Variants in IGDCC4 observed in about 807,000 individuals in gnomAD.
The protein encoded by IGDCC4 is likely ortholog of mouse neighbor of Punc E11.
A neutral mutation model predicts 116.6 loss-of-function variants in IGDCC4; 72 were observed. That is an observed-to-expected ratio of 0.62 (90% confidence interval 0.51 to 0.75). IGDCC4 has a LOEUF of 0.75. Ranked by LOEUF, IGDCC4 falls within the 30% of genes least tolerant of loss-of-function variation. The pLI is 0.00. For missense variants in IGDCC4, 1,501 were observed against 1,662.4 expected (o/e 0.90, Z 1.69); for synonymous variants, 709 against 719.9 (o/e 0.98, Z 0.24).
At chr15:65,391,713 C>G (rs2091516301) in intron 12 of IGDCC4, among the ~76,000 whole-genome samples, 167 bp downstream of exon 12, 1 of 152,192 alleles carries the variant, frequency 6.6e-6, no homozygotes, top group Admixed American at 6.5e-5. Flanking sequence ...ATGACAGAGG[C>G]TCTCTGGAGC....
In IGDCC4 at chr15:65,385,166, G is replaced by C. The variant is rs971119780; in HGVS notation, c.3181-51C>G. 4.6e-6 allele frequency: 7 copies of C among 1,507,826 alleles called. No individual in the cohort carries two copies. In the Admixed American group the frequency reaches 7.4e-5, roughly 16 times the overall value. The allele number at this position is 1,507,826 out of a possible 1,614,324, so 93.4% of individuals were successfully genotyped here. A position where few individuals can be genotyped will look rare whatever the true frequency, so the allele number is the denominator to read the frequency against. On this transcript the variant is annotated intron_variant, in intron 18 of 19. Transcript: ENST00000352385. ...TAAGGGGCACGACCAGGATTGGCTG[G>C]GAGAGGGAAGCCCGGGGGAGGGAAT...
rs756357403 is a variant in IGDCC4, at chr15:65,390,246, G to T, written c.2317C>A (p.Pro773Thr). 2 of 1,613,404 alleles carry T rather than the reference G, an allele frequency of 1.2e-6. No homozygotes were observed. The highest frequency in any genetic ancestry group is 1.3e-5 in the African/African-American group (1 of 74,924). Residue 773 changes from proline (P) to threonine (T), a missense_variant, in exon 13 of 20, where the codon CCA becomes ACA. This residue lies in a region of IGDCC4 where 235 missense variants were observed against 328.0 expected (regional missense o/e 0.72). Transcript: ENST00000352385. Reference sequence around the variant, plus strand: ...ACAATCTTGACTGTGGTGAAATCTGGCTTTTTCCACCGAAGCCAGATGGAT... The same window carrying T: ...ACAATCTTGACTGTGGTGAAATCTGTCTTTTTCCACCGAAGCCAGATGGAT... ...STSIWLRWKK[P>T]DFTTVKIVNY...
At position 65,382,763 on chromosome 15, in the gene IGDCC4, A is replaced by T. The variant is rs2140182560; in HGVS notation, c.*1246T>A. 2 of 152,256 alleles carry T rather than the reference A, an allele frequency of 1.3e-5. No individual in the cohort carries two copies. Among genetic ancestry groups the T allele is most frequent in the Middle Eastern group, 6.8e-3 (2 of 294 alleles). 9.4% of individuals were successfully genotyped at this position (152,256 alleles called of 1,614,324 possible). A position where few individuals can be genotyped will look rare whatever the true frequency, so the allele number is the denominator to read the frequency against. Reference sequence around the variant, plus strand: ...CCCAATCCAGATCAAGTCAAGCCTCACAGGGTGGGAAGGGCCTCCCTGAAC... The same window carrying T: ...CCCAATCCAGATCAAGTCAAGCCTCTCAGGGTGGGAAGGGCCTCCCTGAAC... On this transcript the variant is annotated 3_prime_UTR_variant, in exon 20 of 20. Transcript: ENST00000352385.
chr15:65,386,640 G>A lies in IGDCC4; in HGVS notation c.2862C>T (p.His954=). 6 of 1,611,984 alleles carry A rather than the reference G, an allele frequency of 3.7e-6. No individual in the cohort carries two copies. Among genetic ancestry groups the A allele is most frequent in the Non-Finnish European group, 5.1e-6 (6 of 1,179,612 alleles). The change falls in exon 17 of 20, where the codon CAC becomes CAT. Residue 954 remains histidine, a synonymous_variant. Transcript: ENST00000352385. The stretch of plus-strand genomic sequence containing the variant: ...CACCCACGATGATGCCCGTGACTGA[G>A]TGCATGTCCAGCGAGTCTGGTGGGG... ...QEKLSDSLDM[H]SVTGIIVGVC...
intron 14 of IGDCC4, 89 bp downstream of exon 14, chr15:65,389,195 T>G: frequency 1.3e-6 from 2 of 1,549,790 alleles, no homozygotes; most frequent in Non-Finnish European, 1.7e-6. Context: ...TGCCCAAACC[T>G]TGGGGTTCTG....
In IGDCC4 at chr15:65,385,812, A is replaced by T; in HGVS notation, c.3180+19T>A. 1.3e-6 allele frequency: 2 copies of T among 1,584,940 alleles called. No individual in the cohort carries two copies. Among genetic ancestry groups the T allele is most frequent in the Non-Finnish European group, 1.7e-6 (2 of 1,155,052 alleles). On this transcript the variant is annotated intron_variant, in intron 18 of 19. Coordinates refer to ENST00000352385, the MANE Select transcript of IGDCC4 (RefSeq NM_020962.3). The stretch of plus-strand genomic sequence containing the variant: ...GTGTCCTATTTAGAAAAGAGCCGCA[A>T]TGTGGGGCTCTGACTTACCTTTCTT...
At position 65,392,223 on chromosome 15, in the gene IGDCC4, C is replaced by A. The variant is rs750129850; in HGVS notation, c.2033G>T (p.Arg678Leu). The part of the protein sequence containing the change: ...VGAEEEANGD[R>L]LPGGRGDQAW... ...CTGGTCTCCACGGCCCCCTGGCAGG[C>A]GATCGCCATTGGCCTCCTCCTCAGC... The change falls in exon 11 of 20, where the codon CGC (arginine) becomes CTC (leucine). Residue 678 changes from arginine (R) to leucine (L), a missense_variant. Physicochemically the swap from Arg to Leu is moderately radical, Grantham distance 102 (BLOSUM62 -2). This residue lies in a region of IGDCC4 where 898 missense variants were observed against 978.9 expected (regional missense o/e 0.92). Transcript: ENST00000352385. 3 of 1,613,870 alleles carry A rather than the reference C, an allele frequency of 1.9e-6. No individual in the cohort carries two copies. The highest frequency in any genetic ancestry group is 2.5e-6 in the Non-Finnish European group (3 of 1,179,918).
intron 18 of IGDCC4, 81 bp downstream of exon 18, chr15:65,385,750 G>T: frequency 8.7e-7 from 1 of 1,154,732 alleles, no homozygotes; most frequent in Non-Finnish European, 1.3e-6. Flanking sequence ...GTAGAGCCAT[G>T]CTCGCATAGC....
intron 14 of IGDCC4, 61 bp downstream of exon 14, chr15:65,389,223 C>T (rs2091489809): frequency 6.3e-7 from 1 of 1,591,768 alleles, no homozygotes; most frequent in Non-Finnish European, 8.6e-7. Context: ...TTTCTTGCTG[C>T]TGGGGCAAGA....
Position 65,390,129 on chromosome 15 carries a change from A to C in IGDCC4, c.2408+26T>G, listed in dbSNP as rs180818423. On this transcript the variant is annotated intron_variant, in intron 13 of 19. Coordinates refer to ENST00000352385, the MANE Select transcript of IGDCC4 (RefSeq NM_020962.3). ...CCCACCTATTCTTCCTCCCTTCTTT[A>C]CATTAGTAAAGGCATTAGTCCCCAC... 1.1e-3 allele frequency: 1,579 copies of C among 1,478,626 alleles called. 9 individuals are homozygous for C. In the African/African-American group the frequency reaches 0.019, roughly 18 times the overall value. 91.6% of individuals were successfully genotyped at this position (1,478,626 alleles called of 1,614,324 possible).
chr15:65,382,791 T>C lies in IGDCC4; in HGVS notation c.*1218A>G, dbSNP rs1390203419. 1 of 152,110 alleles carries C rather than the reference T, an allele frequency of 6.6e-6. No homozygotes were observed. The highest frequency in any genetic ancestry group is 1.5e-5 in the Non-Finnish European group (1 of 68,020). 9.4% of individuals were successfully genotyped at this position (152,110 alleles called of 1,614,324 possible). A position where few individuals can be genotyped will look rare whatever the true frequency, so the allele number is the denominator to read the frequency against. On this transcript the variant is annotated 3_prime_UTR_variant, in exon 20 of 20. Coordinates refer to ENST00000352385, the MANE Select transcript of IGDCC4 (RefSeq NM_020962.3). Reference sequence around the variant, plus strand: ...GGGTGGGAAGGGCCTCCCTGAACTCTCACTCCCCTTCTCTTCCTTTAGCTT... The same window carrying C: ...GGGTGGGAAGGGCCTCCCTGAACTCCCACTCCCCTTCTCTTCCTTTAGCTT...
intron 1 of IGDCC4, 117 bp downstream of exon 1, chr15:65,422,676 G>A: frequency 2.5e-6 from 2 of 810,290 alleles, no homozygotes; most frequent in Non-Finnish European, 1.6e-6. Flanking sequence ...TGGACGCGCA[G>A]CCCCCGCACT....
intron 3 of IGDCC4, among the ~76,000 whole-genome samples, chr15:65,406,726 C>T (rs1371201375): frequency 2.0e-5 from 3 of 152,102 alleles, no homozygotes; most frequent in Admixed American, 6.6e-5. Flanking sequence ...CACAATGTGC[C>T]GGGACATGCG....
rs780844865 is a variant in IGDCC4, at chr15:65,394,479, G to C, written c.1646C>G (p.Pro549Arg). Residue 549 changes from proline (P) to arginine (R), a missense_variant, in exon 9 of 20, where the codon CCC (proline) becomes CGC (arginine). Coordinates refer to ENST00000352385, the MANE Select transcript of IGDCC4 (RefSeq NM_020962.3). ...CCCATTGCTCAGGCTGGGGGGCAGG[G>C]GCAGCCACGCCACCCTGATGTCCGA... ...NPSDIRVAWLPLPPSLSNGQV... is the reference protein window; with the variant it reads ...NPSDIRVAWLRLPPSLSNGQV... 5.6e-6 allele frequency: 9 copies of C among 1,613,934 alleles called. No homozygotes were observed. The East Asian group carries it at 2.0e-4, about 36-fold the overall frequency.
Position 65,395,733 on chromosome 15 carries a change from G to A in IGDCC4, c.1411+17C>T. 3.5e-6 allele frequency: 5 copies of A among 1,425,960 alleles called. No individual in the cohort carries two copies. Among genetic ancestry groups the A allele is most frequent in the South Asian group, 1.5e-5 (1 of 67,214 alleles). The allele number at this position is 1,425,960 out of a possible 1,614,324, so 88.3% of individuals were successfully genotyped here. A position where few individuals can be genotyped will look rare whatever the true frequency, so the allele number is the denominator to read the frequency against. ...GCCCGGGCCTGCGCTGGTGCATCCC[G>A]CCCCAGGCCGACGTACCCCGTGCCT... is the stretch of plus-strand genomic sequence containing the variant. On this transcript the variant is annotated intron_variant, in intron 7 of 19. Transcript: ENST00000352385.
At chr15:65,386,259 G>A (rs867304997) in intron 17 of IGDCC4, among the ~76,000 whole-genome samples, 200 bp from the exon 18 acceptor site, 108 of 152,358 alleles carry the variant, frequency 7.1e-4, no homozygotes, top group African/African-American at 2.4e-3. Context: ...TCCCTTGGCT[G>A]CAGGCATCTG....
At position 65,422,820 on chromosome 15, in the gene IGDCC4, A is replaced by C. The variant is rs1415872578; in HGVS notation, c.43T>G (p.Leu15Val). The C allele has an allele frequency of 5.6e-6, 7 of 1,254,194 alleles. No individual in the cohort carries two copies. Among genetic ancestry groups the C allele is most frequent in the Admixed American group, 8.6e-5 (2 of 23,204 alleles). 77.7% of individuals were successfully genotyped at this position (1,254,194 alleles called of 1,614,324 possible). A position where few individuals can be genotyped will look rare whatever the true frequency, so the allele number is the denominator to read the frequency against. Reference protein sequence around the residue: ...DAGRGRGLLALTFCLLAARGE... With the variant: ...DAGRGRGLLAVTFCLLAARGE... ...CGCGCGGCCAACAGGCAGAAGGTCA[A>C]CGCGAGGAGCCCGCGGCCGCGGCCG... The change falls in exon 1 of 20, where the codon TTG becomes GTG. Residue 15 changes from leucine to valine, a missense_variant. Around this residue, in one of 3 missense-constraint regions of IGDCC4, gnomAD observed 898 missense variants for 978.9 expected, o/e 0.92. Transcript: ENST00000352385.
intron 5 of IGDCC4, among the ~76,000 whole-genome samples, chr15:65,398,687 G>T (rs542483901): frequency 3.9e-4 from 59 of 151,964 alleles, no homozygotes; most frequent in Admixed American, 3.3e-3. Flanking sequence ...GTCAGGAGAT[G>T]GAGACCATCC....
chr15:65,384,172 A>G lies in IGDCC4; in HGVS notation c.3590T>C (p.Leu1197Pro). Residue 1197 changes from leucine to proline, a missense_variant, in exon 20 of 20, where the codon CTT becomes CCT. This residue lies in a region of IGDCC4 where 368 missense variants were observed against 355.6 expected (regional missense o/e 1.03). Transcript: ENST00000352385. The surrounding 1 kb of genome is among the most constrained non-coding windows in gnomAD (Gnocchi z 4.9). The part of the protein sequence containing the change: ...CELAAPGPDR[L>P]TCLPEAASAS... ...ACTGGCTGCCTCTGGCAAGCAGGTA[A>G]GTCTGTCTGGCCCGGGGGCTGCCAG... 6.2e-7 allele frequency: 1 copy of G among 1,613,586 alleles called. No individual in the cohort carries two copies. The highest frequency in any genetic ancestry group is 8.5e-7 in the Non-Finnish European group (1 of 1,179,788).
Sources: gnomAD v4.1 joint callset for allele counts (sites outside exome capture counted in the v4.1 genomes callset) on GRCh38, gnomAD v4.1.1 for gene constraint, gnomAD v4.1.1 regional missense constraint, Gnocchi (gnomAD v3.1) non-coding constraint, MANE v1.5 for transcripts, NCBI Gene and HGNC (gene_info 2026-07-23, HGNC 2026-07-21) for gene names.